Variants in MAP3K9 observed in about 807,000 individuals in gnomAD.
MAP3K9 encodes mixed lineage kinase 1 (tyr and ser/thr specificity).
A neutral mutation model predicts 95.8 loss-of-function variants in MAP3K9; 46 were observed. The ratio of observed to expected loss-of-function variants is 0.48; its 90% CI spans 0.38 to 0.61. The LOEUF (loss-of-function observed/expected upper bound fraction) is 0.61, where lower values mean the gene tolerates loss of function less well. MAP3K9 is among the 20% of genes least tolerant of loss of function. The pLI is 0.00. For missense variants in MAP3K9, 1,296 were observed against 1,474.3 expected (o/e 0.88, Z 1.98); for synonymous variants, 533 against 593.8 (o/e 0.90, Z 1.49).
intron 2 of MAP3K9, among the ~76,000 whole-genome samples, chr14:70,777,617 C>G (rs949812535): frequency 2.0e-5 from 3 of 152,210 alleles, no homozygotes; most frequent in African/African-American, 7.2e-5. Context: ...TCAGGGGATA[C>G]TGGCTGGAGT....
chr14:70,748,987 G>T lies in MAP3K9; in HGVS notation c.1168C>A (p.Pro390Thr). The change falls in exon 5 of 12, where the codon CCC becomes ACC. Residue 390 changes from proline (P) to threonine (T), a missense_variant. Pro to Thr is a conservative substitution (Grantham distance 38, BLOSUM62 -1). Around this residue, in one of 5 missense-constraint regions of MAP3K9, gnomAD observed 136 missense variants for 221.5 expected, o/e 0.61. Transcript: ENST00000554752. ...TTCGTGAAAGATGGTCGTGAGTGGG[G>T]ATCAGGATTCCAGCAGTCTGAATAG... ...KLMEDCWNPD[P>T]HSRPSFTNIL... is the part of the protein sequence containing the mutation. 1 of 1,613,454 alleles carries T rather than the reference G, an allele frequency of 6.2e-7. No homozygotes were observed. The highest frequency in any genetic ancestry group is 8.5e-7 in the Non-Finnish European group (1 of 1,179,782).
intron 2 of MAP3K9, among the ~76,000 whole-genome samples, chr14:70,785,257 C>T (rs1044179704): frequency 6.6e-6 from 1 of 152,124 alleles, no homozygotes; most frequent in African/African-American, 2.4e-5. Context: ...TTCTAAAGGA[C>T]CAAATACAAA....
chr14:70,788,499 T>C (rs2054771953), intron 2 of MAP3K9, among the ~76,000 whole-genome samples: 1 of 152,184 alleles, frequency 6.6e-6, no homozygotes, highest in Non-Finnish European at 1.5e-5. Context: ...ACAGAGGGTG[T>C]ATCATTTGCT....
intron 8 of MAP3K9, 36 bp from the exon 9 acceptor site, chr14:70,736,065 G>A (rs541716894): frequency 7.0e-7 from 1 of 1,422,068 alleles, no homozygotes; most frequent in African/African-American, 1.4e-5. Flanking sequence ...GCAGGCAATG[G>A]AGGGCACATC....
At chr14:70,786,781 A>AT (rs1248516402) in intron 2 of MAP3K9, among the ~76,000 whole-genome samples, 1 of 152,198 alleles carries the variant, frequency 6.6e-6, no homozygotes, top group Non-Finnish European at 1.5e-5. Context: ...AGCTCTAATC[A>AT]TATCTATAAG....
At chr14:70,753,316 G>A (rs535332767) in intron 3 of MAP3K9, among the ~76,000 whole-genome samples, 24 of 152,344 alleles carry the variant, frequency 1.6e-4, no homozygotes, top group African/African-American at 5.8e-4. Flanking sequence ...CAGTGTTGGT[G>A]AGAGCTTTGC....
chr14:70,806,596 C>A (rs142406062), intron 1 of MAP3K9, among the ~76,000 whole-genome samples: 2 of 152,244 alleles, frequency 1.3e-5, no homozygotes, highest in Non-Finnish European at 2.9e-5. Context: ...TCCAAGATAA[C>A]TTGTATGACA....
At chr14:70,807,862 T>A (rs10873243) in intron 1 of MAP3K9, among the ~76,000 whole-genome samples, 43,830 of 151,948 alleles carry the variant, frequency 0.29, 6,742 homozygotes, top group Admixed American at 0.34. Context: ...GTATGAAATA[T>A]GGGGCTCCTG....
intron 2 of MAP3K9, among the ~76,000 whole-genome samples, chr14:70,794,538 G>A (rs2054840829): frequency 6.6e-6 from 1 of 152,116 alleles, no homozygotes; most frequent in African/African-American, 2.4e-5. Flanking sequence ...ACTGACAGAG[G>A]GAGGAGAAAC....
chr14:70,755,828 A>G (rs1330887350), intron 3 of MAP3K9, among the ~76,000 whole-genome samples: 2 of 152,258 alleles, frequency 1.3e-5, no homozygotes, highest in Admixed American at 1.3e-4. Context: ...TCATCAACCA[A>G]ACTGGGTCAG....
Position 70,735,991 on chromosome 14 carries a change from G to A in MAP3K9, c.1883C>T (p.Thr628Ile). 2 of 1,613,588 alleles carry A rather than the reference G, an allele frequency of 1.2e-6. No individual in the cohort carries two copies. Among genetic ancestry groups the A allele is most frequent in the South Asian group, 1.1e-5 (1 of 91,058 alleles). The change falls in exon 9 of 12, where the codon ACC (threonine) becomes ATC (isoleucine). Residue 628 changes from threonine (T) to isoleucine (I), a missense_variant. Coordinates refer to ENST00000554752, the MANE Select transcript of MAP3K9 (RefSeq NM_001284230.2). Reference protein sequence around the residue: ...QRREKANGLSTPSESPHFHLG... With the variant: ...QRREKANGLSIPSESPHFHLG... The stretch of plus-strand genomic sequence containing the variant: ...GTGGAAATGTGGAGATTCTGATGGG[G>A]TACTTAAACCATTAGCTTTCTCACG...
In MAP3K9 at chr14:70,761,009, CA is replaced by C; in HGVS notation, c.993del (p.Asp331GlufsTer13). 6.2e-7 allele frequency: 1 copy of C among 1,613,806 alleles called. No individual in the cohort carries two copies. Among genetic ancestry groups the C allele is most frequent in the Non-Finnish European group, 8.5e-7 (1 of 1,179,922 alleles). On this transcript the variant is annotated frameshift_variant, in exon 3 of 12. Transcript: ENST00000554752. LOFTEE classifies it high-confidence loss of function. ...TGCCCCCCTGGACCTTACCTCCACA[CA>C]TCACTGCCTTTGGAAAACATGGAGG... ...IRASMFSKGS[D>X]VWSYGVLLWE...
intron 8 of MAP3K9, among the ~76,000 whole-genome samples, chr14:70,736,593 G>A (rs553139597): frequency 3.3e-5 from 5 of 152,138 alleles, no homozygotes; most frequent in South Asian, 4.2e-4. Context: ...AGAAAATTCC[G>A]AAGTTAATAT....
rs2053782578 is a variant in MAP3K9, at chr14:70,723,710, C to T, written c.*6670G>A. 6.6e-6 allele frequency: 1 copy of T among 152,080 alleles called. No homozygotes were observed. Among genetic ancestry groups the T allele is most frequent in the South Asian group, 2.1e-4 (1 of 4,822 alleles). 9.4% of individuals were successfully genotyped at this position (152,080 alleles called of 1,614,324 possible). A position where few individuals can be genotyped will look rare whatever the true frequency, so the allele number is the denominator to read the frequency against. On this transcript the variant is annotated 3_prime_UTR_variant, in exon 12 of 12. Coordinates refer to ENST00000554752, the MANE Select transcript of MAP3K9 (RefSeq NM_001284230.2). ...TCCACATTCTTAAATGGGGGTAATACCCACATCCCAGAATTATTGTAAGGA... is the reference window on the plus strand; with the variant it reads ...TCCACATTCTTAAATGGGGGTAATATCCACATCCCAGAATTATTGTAAGGA...
At chr14:70,807,129 A>C (rs921003673) in intron 1 of MAP3K9, among the ~76,000 whole-genome samples, 1 of 152,260 alleles carries the variant, frequency 6.6e-6, no homozygotes, top group African/African-American at 2.4e-5. Context: ...AAACACCAAC[A>C]GAAAAAGAAG....
In MAP3K9 at chr14:70,749,918, C is replaced by T; in HGVS notation, c.1150+15G>A. On this transcript the variant is annotated intron_variant, in intron 4 of 11. Coordinates refer to ENST00000554752, the MANE Select transcript of MAP3K9 (RefSeq NM_001284230.2). ...CAAAGTGTCTCCAGTTTGGTTCAGG[C>T]CAGGGCTTACTTACCTTCCATGAGT... 1 of 1,614,126 alleles carries T rather than the reference C, an allele frequency of 6.2e-7. No homozygotes were observed. The highest frequency in any genetic ancestry group is 8.5e-7 in the Non-Finnish European group (1 of 1,180,014).
chr14:70,778,512 G>A (rs2054630648), intron 2 of MAP3K9, among the ~76,000 whole-genome samples: 1 of 152,088 alleles, frequency 6.6e-6, no homozygotes, highest in African/African-American at 2.4e-5. Context: ...CTGACCTCAG[G>A]TGATCCACCG....
At chr14:70,759,700 A>G (rs1282661626) in intron 3 of MAP3K9, among the ~76,000 whole-genome samples, 1 of 152,180 alleles carries the variant, frequency 6.6e-6, no homozygotes, top group Non-Finnish European at 1.5e-5. Context: ...CTAGGAAACT[A>G]ATAACAATGG....
intron 2 of MAP3K9, among the ~76,000 whole-genome samples, chr14:70,764,675 T>C (rs1346058306): frequency 6.6e-6 from 1 of 151,582 alleles, no homozygotes; most frequent in South Asian, 2.1e-4. Context: ...TACAAAGAAA[T>C]TGAAAAATTA....
Sources: allele counts gnomAD v4.1 joint callset (sites outside exome capture counted in the v4.1 genomes callset), GRCh38; gene constraint gnomAD v4.1.1; regional missense constraint gnomAD v4.1.1; transcripts MANE v1.5; gene names NCBI Gene and HGNC (gene_info 2026-07-23, HGNC 2026-07-21).